The following TAFA5 variants were observed in gnomAD, a reference collection of about 807,000 sequenced individuals.
TAFA5 encodes chemokine-like protein TAFA-5.
TAFA5 carries 6 observed loss-of-function variants against 15.3 expected under a neutral mutation model. The observed-to-expected ratio is 0.39, with a 90% CI of 0.21 to 0.77. The LOEUF is 0.77. Among genes scored for constraint, TAFA5 ranks in the 30% least tolerant of loss-of-function variants. The pLI is 0.41. For synonymous variants in TAFA5, 103 were observed against 80.7 expected (o/e 1.28, Z -1.48); for missense variants, 161 against 193.1 (o/e 0.83, Z 0.98).
intron 2 of TAFA5, among the ~76,000 whole-genome samples, chr22:48,668,706 T>G: frequency 6.6e-6 from 1 of 151,372 alleles, no homozygotes; most frequent in Non-Finnish European, 1.5e-5. Context: ...GGGCCGCGTT[T>G]TCACTGGAAA....
intron 1 of TAFA5, among the ~76,000 whole-genome samples, chr22:48,567,835 G>A (rs1452796764): frequency 6.6e-6 from 1 of 152,212 alleles, no homozygotes; most frequent in Non-Finnish European, 1.5e-5. Flanking sequence ...CTCACAGGAT[G>A]ATGGTCAAGA....
chr22:48,584,766 C>T (rs897653034), intron 1 of TAFA5, among the ~76,000 whole-genome samples: 2 of 150,612 alleles, frequency 1.3e-5, no homozygotes, highest in African/African-American at 4.9e-5. Context: ...CACAACACAC[C>T]ACACACATCA....
chr22:48,645,342 C>T (rs41280559), intron 1 of TAFA5, among the ~76,000 whole-genome samples: 4 of 152,164 alleles, frequency 2.6e-5, no homozygotes, highest in African/African-American at 9.7e-5. Context: ...CTGCGTTTTA[C>T]CAGCAGAGTG....
intron 1 of TAFA5, among the ~76,000 whole-genome samples, chr22:48,585,696 A>G (rs1924327711): frequency 1.3e-5 from 2 of 151,850 alleles, no homozygotes; most frequent in African/African-American, 4.8e-5. Context: ...CACAACGTAT[A>G]CACAGACACA....
At chr22:48,682,717 A>G (rs1053767286) in intron 2 of TAFA5, among the ~76,000 whole-genome samples, 1 of 152,196 alleles carries the variant, frequency 6.6e-6, no homozygotes, top group African/African-American at 2.4e-5. Context: ...ATTACCCAGA[A>G]GCACAGTCAT....
intron 1 of TAFA5, among the ~76,000 whole-genome samples, chr22:48,559,928 C>T (rs1187993915): frequency 3.9e-5 from 6 of 152,160 alleles, no homozygotes; most frequent in South Asian, 4.1e-4. Context: ...GTGGTAGAGA[C>T]GTTTCTATCT....
chr22:48,601,163 T>C (rs1300845263), intron 1 of TAFA5, among the ~76,000 whole-genome samples: 1 of 152,250 alleles, frequency 6.6e-6, no homozygotes. Flanking sequence ...GTCATAGGTT[T>C]GTATGTAGAG....
intron 2 of TAFA5, among the ~76,000 whole-genome samples, chr22:48,657,685 A>ACAG (rs1927296363): frequency 6.6e-6 from 1 of 151,810 alleles, no homozygotes; most frequent in Admixed American, 6.6e-5. Flanking sequence ...CGTGATGGGG[A>ACAG]CAGTGACATC....
intron 1 of TAFA5, among the ~76,000 whole-genome samples, chr22:48,633,548 C>CTCTCTCTCTCTCCA (rs1926322454): frequency 6.6e-6 from 1 of 150,676 alleles, no homozygotes; most frequent in Admixed American, 6.6e-5. Flanking sequence ...CCCTCTCTCT[C>CTCTCTCTCTCTCCA]TCTCTCTCTC....
intron 1 of TAFA5, among the ~76,000 whole-genome samples, chr22:48,637,763 A>G (rs184262808): frequency 1.3e-5 from 2 of 152,088 alleles, no homozygotes; most frequent in African/African-American, 4.8e-5. Context: ...GTCCAGCCCA[A>G]ACCATCGACG....
At chr22:48,703,414 G>T (rs984763912) in intron 2 of TAFA5, among the ~76,000 whole-genome samples, 3 of 152,160 alleles carry the variant, frequency 2.0e-5, no homozygotes, top group Admixed American at 2.0e-4. Flanking sequence ...GGTCCTTTCC[G>T]TAGACAGCCA....
chr22:48,524,187 C>T (rs133489), intron 1 of TAFA5, among the ~76,000 whole-genome samples: 35,372 of 152,220 alleles, frequency 0.23, 4,649 homozygotes, highest in Middle Eastern at 0.3. Context: ...CCGCTTCCAA[C>T]GCTGACCTCA....
At chr22:48,688,255 G>A (rs1200281985) in intron 2 of TAFA5, among the ~76,000 whole-genome samples, 11 of 152,228 alleles carry the variant, frequency 7.2e-5, no homozygotes, top group Admixed American at 2.6e-4. Context: ...GAGCCATCTT[G>A]AAAATTAATA....
At chr22:48,636,236 C>T (rs1207868115) in intron 1 of TAFA5, among the ~76,000 whole-genome samples, 2 of 152,200 alleles carry the variant, frequency 1.3e-5, no homozygotes, top group East Asian at 1.9e-4. Context: ...CATTATATTT[C>T]ACAACTATGT....
At chr22:48,643,717 C>G (rs995588165) in intron 1 of TAFA5, among the ~76,000 whole-genome samples, 1 of 152,234 alleles carries the variant, frequency 6.6e-6, no homozygotes, top group East Asian at 1.9e-4. Flanking sequence ...GGCCATCTCC[C>G]CATGGCACCA....
rs145820766 is a variant in TAFA5, at chr22:48,741,282, C to T, written c.391-8557C>T. Among the ~76,000 whole-genome samples the T allele has an allele frequency of 3.3e-3, 503 of 152,312 alleles. 1 individual carries two copies. Among genetic ancestry groups the T allele is most frequent in the African/African-American group, 0.012 (482 of 41,574 alleles). On this transcript the variant is annotated intron_variant, in intron 3 of 3. Coordinates refer to ENST00000402357, the MANE Select transcript of TAFA5 (RefSeq NM_001082967.3). ...CCCACCCTGCGAAGGTGGAGCCGTC[C>T]TCACCCCTGGGTCCCTCCCTGCAAA...
intron 3 of TAFA5, among the ~76,000 whole-genome samples, chr22:48,745,548 C>T (rs186947140): frequency 1.3e-5 from 2 of 152,296 alleles, no homozygotes; most frequent in Non-Finnish European, 2.9e-5. Flanking sequence ...CTGGCCTGTC[C>T]GGGGTTCACC....
chr22:48,580,788 G>T (rs1302648593), intron 1 of TAFA5, among the ~76,000 whole-genome samples: 1 of 152,244 alleles, frequency 6.6e-6, no homozygotes, highest in Non-Finnish European at 1.5e-5. Context: ...CTTGGAGCTG[G>T]CTGCTCATTT....
chr22:48,646,284 C>A (rs1926859214), intron 1 of TAFA5, among the ~76,000 whole-genome samples: 1 of 152,316 alleles, frequency 6.6e-6, no homozygotes, highest in East Asian at 1.9e-4. Flanking sequence ...TCCTTGTGAT[C>A]CGAACCTTTC....
Sources: gnomAD v4.1 joint callset for allele counts (sites outside exome capture counted in the v4.1 genomes callset) on GRCh38, gnomAD v4.1.1 for gene constraint, MANE v1.5 for transcripts, NCBI Gene and HGNC (gene_info 2026-07-23, HGNC 2026-07-21) for gene names.